SI: variants seen among roughly 807,000 people sequenced by gnomAD.
SI encodes the protein sucrase-isomaltase, intestinal.
In SI, 235 loss-of-function variants were observed where a neutral mutation model predicts 253.3. That is an observed-to-expected ratio of 0.93 (90% CI 0.83 to 1.03). The LOEUF (loss-of-function observed/expected upper bound fraction) is 1.03. Ranked by LOEUF, SI falls within the 50% of genes least tolerant of loss-of-function variation. The pLI is 0.00. For synonymous variants in SI, 819 were observed against 712.0 expected, an observed-to-expected ratio of 1.15 and a Z score of -2.39; for missense variants, 2,442 against 2,211.1, an observed-to-expected ratio of 1.10 and a Z score of -2.09.
intron 45 of SI, among the ~76,000 whole-genome samples, chr3:164,986,381 C>T (rs1717436711): frequency 6.6e-6 from 1 of 152,136 alleles, no homozygotes. Context: ...AACAGCTGGC[C>T]ATGAAGAAGT....
At chr3:165,019,268 T>G (rs1321656285) in intron 28 of SI, among the ~76,000 whole-genome samples, 1 of 151,914 alleles carries the variant, frequency 6.6e-6, no homozygotes, top group Non-Finnish European at 1.5e-5. Context: ...TTTAGGCAGT[T>G]ATTTTCTAAA....
chr3:165,026,741 C>T (rs941420242), intron 25 of SI, among the ~76,000 whole-genome samples: 1 of 151,106 alleles, frequency 6.6e-6, no homozygotes, highest in Non-Finnish European at 1.5e-5. Context: ...AAAATAAAAT[C>T]AAGTTGAAAA....
chr3:165,052,246 T>C (rs142910199), intron 13 of SI, among the ~76,000 whole-genome samples: 166 of 152,288 alleles, frequency 1.1e-3, no homozygotes, highest in African/African-American at 3.7e-3. Flanking sequence ...ACTACAGTTA[T>C]TTAATGTCAT....
At chr3:165,026,468 C>T (rs1177037830) in intron 25 of SI, among the ~76,000 whole-genome samples, 1 of 150,998 alleles carries the variant, frequency 6.6e-6, no homozygotes, top group East Asian at 1.9e-4. Context: ...TAAACCATAC[C>T]CCAGAAAAAA....
chr3:165,065,421 C>A lies in SI; in HGVS notation c.647G>T (p.Ser216Ile). 6.7e-7 allele frequency: 1 copy of A among 1,481,634 alleles called. No homozygotes were observed. The highest frequency in any genetic ancestry group is 9.1e-7 in the Non-Finnish European group (1 of 1,093,522). The allele number at this position is 1,481,634 out of a possible 1,614,324, so 91.8% of individuals were successfully genotyped here. A position where few individuals can be genotyped will look rare whatever the true frequency, so the allele number is the denominator to read the frequency against. ...GTCAGAGTACACTAAGGGACCAATG[C>A]TGGTGTCAAACCTGCACCATAAAAG... ...KSNGKTLFDTSIGPLVYSDQY... is the reference protein window; with the variant it reads ...KSNGKTLFDTIIGPLVYSDQY... Residue 216 changes from serine to isoleucine, a missense_variant, in exon 7 of 48, where the codon AGC (serine) becomes ATC (isoleucine). Ser to Ile is a moderately radical substitution (Grantham distance 142, BLOSUM62 -2). Transcript: ENST00000264382.
chr3:165,081,104 A>C (rs373745800), upstream of SI, among the ~76,000 whole-genome samples: 5 of 152,016 alleles, frequency 3.3e-5, no homozygotes, highest in South Asian at 1.0e-3. Context: ...AATGCTTAGA[A>C]GGTAAATTCA....
At chr3:165,008,783 A>G (rs1286582108) in intron 35 of SI, among the ~76,000 whole-genome samples, 2 of 151,962 alleles carry the variant, frequency 1.3e-5, no homozygotes, top group Non-Finnish European at 2.9e-5. Flanking sequence ...AATATATTAC[A>G]TAAAATTTTC....
At chr3:165,090,231 T>G in the SI span, among the ~76,000 whole-genome samples, 94 of 151,886 alleles carry the variant, frequency 6.2e-4, no homozygotes, top group East Asian at 0.017. Context: ...AAGTCTGCAG[T>G]CTGCAACTCA....
At chr3:165,061,706 G>A (rs9290261) in intron 9 of SI, among the ~76,000 whole-genome samples, 1 of 151,720 alleles carries the variant, frequency 6.6e-6, no homozygotes, top group Non-Finnish European at 1.5e-5. Flanking sequence ...TATCAACAGT[G>A]AAAAGAGAGA....
chr3:165,008,212 TG>T (rs1365616389), intron 35 of SI, among the ~76,000 whole-genome samples: 1 of 151,982 alleles, frequency 6.6e-6, no homozygotes, highest in Non-Finnish European at 1.5e-5. Flanking sequence ...TAAAATGTTT[TG>T]TTTTCTCTGT....
chr3:165,082,705 T>C (rs1715377049), upstream of SI, among the ~76,000 whole-genome samples: 1 of 151,976 alleles, frequency 6.6e-6, no homozygotes, highest in Non-Finnish European at 1.5e-5. Context: ...TTGCCTTTGC[T>C]TAATTCAAAA....
At chr3:165,048,597 AG>A (rs1713260696) in intron 15 of SI, among the ~76,000 whole-genome samples, 1 of 148,046 alleles carries the variant, frequency 6.8e-6, no homozygotes, top group African/African-American at 2.5e-5. Flanking sequence ...AGAGAGAGAG[AG>A]AGAGAGAGAG....
At chr3:165,076,106 A>G in intron 1 of SI, 94 bp from the exon 2 acceptor site, 2 of 950,034 alleles carry the variant, frequency 2.1e-6, no homozygotes, top group South Asian at 2.0e-5. Context: ...TCTTTTTTTT[A>G]CTATGTATAA....
At chr3:165,037,504 A>G (rs1021402064) in intron 21 of SI, among the ~76,000 whole-genome samples, 5 of 151,978 alleles carry the variant, frequency 3.3e-5, no homozygotes, top group African/African-American at 1.2e-4. Context: ...AACTTAAAGC[A>G]TTTTAGCAGA....
rs1481459615 is a variant in SI, at chr3:165,053,216, A to G, written c.1512+1978T>C. Among the ~76,000 whole-genome samples the G allele has an allele frequency of 2.0e-5, 3 of 152,022 alleles. No individual in the cohort carries two copies. In the East Asian group the frequency reaches 5.8e-4, roughly 29 times the overall value. Reference sequence around the variant, plus strand: ...TCAAATTTATTATATTTTATACACAAAAACTATACTTCAATGACAATTAAG... The same window carrying G: ...TCAAATTTATTATATTTTATACACAGAAACTATACTTCAATGACAATTAAG... On this transcript the variant is annotated intron_variant, in intron 13 of 47. Coordinates refer to ENST00000264382, the MANE Select transcript of SI (RefSeq NM_001041.4).
At chr3:165,036,804 T>A in intron 21 of SI, among the ~76,000 whole-genome samples, 1 of 151,782 alleles carries the variant, frequency 6.6e-6, no homozygotes, top group East Asian at 1.9e-4. Flanking sequence ...AATGTCTTAT[T>A]AAGGCTCAAC....
chr3:165,077,412 G>C (rs932274215), intron 1 of SI, among the ~76,000 whole-genome samples: 1 of 151,500 alleles, frequency 6.6e-6, no homozygotes, highest in Non-Finnish European at 1.5e-5. Flanking sequence ...ATTCTTGTTA[G>C]CAAAAATTAT....
chr3:165,037,837 C>A (rs1265629757), intron 21 of SI, 63 bp downstream of exon 21: 32 of 1,172,728 alleles, frequency 2.7e-5, no homozygotes, highest in Non-Finnish European at 1.5e-5. Context: ...ATTCTTAATG[C>A]AAATATGAAA....
chr3:165,057,053 C>T (rs1350226740), intron 12 of SI, among the ~76,000 whole-genome samples: 4 of 151,896 alleles, frequency 2.6e-5, no homozygotes, highest in Admixed American at 6.6e-5. Flanking sequence ...ACAGAAAATT[C>T]GAAATAGCTG....
Sources: gnomAD v4.1 joint callset for allele counts (sites outside exome capture counted in the v4.1 genomes callset) on GRCh38, gnomAD v4.1.1 for gene constraint, MANE v1.5 for transcripts, NCBI Gene and HGNC (gene_info 2026-07-23, HGNC 2026-07-21) for gene names.